CTNNA3: variants seen among roughly 807,000 people sequenced by gnomAD.
CTNNA3 encodes the protein catenin alpha 3.
In CTNNA3, 76 loss-of-function variants were observed where a neutral mutation model predicts 95.7. The ratio of observed to expected loss-of-function variants is 0.79; its 90% confidence interval spans 0.66 to 0.96. The LOEUF (loss-of-function observed/expected upper bound fraction) is 0.96. Among genes scored for constraint, CTNNA3 ranks in the 40% least tolerant of loss-of-function variants. CTNNA3 has a pLI of 0.00. For missense variants in CTNNA3, 1,191 were observed against 1,089.8 expected, an observed-to-expected ratio of 1.09 and a Z score of -1.31; for synonymous variants, 431 against 374.4, an observed-to-expected ratio of 1.15 and a Z score of -1.74.
intron 7 of CTNNA3, among the ~76,000 whole-genome samples, chr10:67,162,826 G>T (rs1861608329): frequency 6.6e-6 from 1 of 151,792 alleles, no homozygotes; most frequent in Admixed American, 6.6e-5. Flanking sequence ...TATCCTACAG[G>T]CATCAAAGCA....
At chr10:65,981,358 CA>C (rs1298181926) in intron 16 of CTNNA3, among the ~76,000 whole-genome samples, 1 of 151,886 alleles carries the variant, frequency 6.6e-6, no homozygotes, top group African/African-American at 2.4e-5. Flanking sequence ...GCGACAGAAA[CA>C]AATGGAAACA....
At chr10:67,039,142 T>C (rs1258140465) in intron 7 of CTNNA3, among the ~76,000 whole-genome samples, 1 of 152,084 alleles carries the variant, frequency 6.6e-6, no homozygotes, top group Non-Finnish European at 1.5e-5. Flanking sequence ...GAGATTACTA[T>C]GAAACCATAA....
chr10:66,106,337 TTGTGTGTG>T (rs201326026), intron 13 of CTNNA3, among the ~76,000 whole-genome samples: 33,141 of 145,384 alleles, frequency 0.23, 3,841 homozygotes, highest in Admixed American at 0.3. Context: ...GTGTGTGTGT[TTGTGTGTG>T]TGTGTGTGTG....
chr10:66,682,657 G>GCTAAAACTTATTT (rs55895851), intron 9 of CTNNA3, among the ~76,000 whole-genome samples: 4 of 148,572 alleles, frequency 2.7e-5, no homozygotes, highest in African/African-American at 7.4e-5. Flanking sequence ...TTTTATTTCT[G>GCTAAAACTTATTT]TTTTCTTTCT....
At chr10:66,051,142 T>TG (rs1355111728) in intron 15 of CTNNA3, among the ~76,000 whole-genome samples, 1 of 152,188 alleles carries the variant, frequency 6.6e-6, no homozygotes, top group East Asian at 1.9e-4. Flanking sequence ...CCCAAAGTGC[T>TG]GAGAATAGAG....
intron 14 of CTNNA3, among the ~76,000 whole-genome samples, chr10:66,091,246 G>A (rs1276559379): frequency 1.3e-5 from 2 of 151,880 alleles, no homozygotes; most frequent in African/African-American, 4.8e-5. Flanking sequence ...AATCACCTGA[G>A]TACTTTAGCC....
At chr10:67,583,729 C>G (rs1297916495) in intron 3 of CTNNA3, among the ~76,000 whole-genome samples, 1 of 152,296 alleles carries the variant, frequency 6.6e-6, no homozygotes, top group Non-Finnish European at 1.5e-5. Flanking sequence ...TTCACATAGT[C>G]CCCTATTTCT....
chr10:66,226,437 C>T (rs2089291008), intron 13 of CTNNA3, among the ~76,000 whole-genome samples: 1 of 152,148 alleles, frequency 6.6e-6, no homozygotes. Flanking sequence ...CAGTATCACA[C>T]TGCTTTGATT....
intron 10 of CTNNA3, among the ~76,000 whole-genome samples, chr10:66,568,113 T>C (rs927544219): frequency 6.6e-6 from 1 of 152,200 alleles, no homozygotes; most frequent in Non-Finnish European, 1.5e-5. Flanking sequence ...AGGTAGCTTC[T>C]AACAGAAGAA....
chr10:66,647,876 T>C (rs1845762369), intron 9 of CTNNA3, among the ~76,000 whole-genome samples: 1 of 152,044 alleles, frequency 6.6e-6, no homozygotes, highest in Non-Finnish European at 1.5e-5. Flanking sequence ...GCATATGCTA[T>C]CAAAAAAGAA....
intron 16 of CTNNA3, among the ~76,000 whole-genome samples, chr10:65,982,639 T>C (rs2078343329): frequency 6.6e-6 from 1 of 151,082 alleles, no homozygotes; most frequent in Non-Finnish European, 1.5e-5. Flanking sequence ...GAAAATGTTA[T>C]ATATACATAT....
At chr10:66,595,288 T>C (rs1025469623) in intron 10 of CTNNA3, among the ~76,000 whole-genome samples, 3 of 151,966 alleles carry the variant, frequency 2.0e-5, no homozygotes, top group African/African-American at 7.3e-5. Flanking sequence ...GTAGACTTTA[T>C]AGTTATTGCT....
At chr10:66,803,323 T>C (rs1258031580) in intron 7 of CTNNA3, among the ~76,000 whole-genome samples, 1 of 151,992 alleles carries the variant, frequency 6.6e-6, no homozygotes, top group African/African-American at 2.4e-5. Flanking sequence ...GAATTCTGTT[T>C]GCTTGGAATG....
At chr10:66,843,286 C>A (rs910448952) in intron 7 of CTNNA3, among the ~76,000 whole-genome samples, 1 of 152,022 alleles carries the variant, frequency 6.6e-6, no homozygotes, top group African/African-American at 2.4e-5. Flanking sequence ...AATCCCAGAC[C>A]CCTGTCACTC....
chr10:66,787,051 TC>T (rs1387913861), intron 7 of CTNNA3, among the ~76,000 whole-genome samples: 54 of 152,304 alleles, frequency 3.5e-4, no homozygotes, highest in African/African-American at 1.1e-3. Context: ...AGTACATCTT[TC>T]TAAGTTCCTT....
rs567645257 is a variant in CTNNA3, at chr10:65,952,074, A to AAAATGAAT, written c.2400+14530_2400+14537dup. 2.5e-3 allele frequency among the ~76,000 whole-genome samples: 383 copies of AAAATGAAT among 151,888 alleles called. 2 individuals carry two copies. Among genetic ancestry groups the AAAATGAAT allele is most frequent in the Middle Eastern group, 6.9e-3 (2 of 290 alleles). On this transcript the variant is annotated intron_variant, in intron 17 of 17. Coordinates refer to ENST00000433211, the MANE Select transcript of CTNNA3 (RefSeq NM_013266.4). ...ATCCCTCACCTATTTCATTGTTTATAAAATGAATATGAGATAGATAGCTAT... is the reference window on the plus strand; with the variant it reads ...ATCCCTCACCTATTTCATTGTTTATAAAATGAATAAATGAATATGAGATAGATAGCTAT...
At chr10:66,806,631 G>C (rs755339326) in intron 7 of CTNNA3, among the ~76,000 whole-genome samples, 1 of 151,778 alleles carries the variant, frequency 6.6e-6, no homozygotes, top group Admixed American at 6.6e-5. Flanking sequence ...GATTCCATAC[G>C]CAGATATACT....
chr10:66,706,182 T>C (rs1848110589), intron 9 of CTNNA3, among the ~76,000 whole-genome samples: 2 of 152,014 alleles, frequency 1.3e-5, no homozygotes, highest in Admixed American at 1.3e-4. Flanking sequence ...TGGAAATTCT[T>C]CAGTCTATCC....
intron 13 of CTNNA3, among the ~76,000 whole-genome samples, chr10:66,142,048 G>A (rs895641526): frequency 3.9e-5 from 6 of 152,166 alleles, no homozygotes; most frequent in East Asian, 1.9e-4. Flanking sequence ...TTCATGGATC[G>A]TGGCTTTGGT....
Sources: gnomAD v4.1 joint callset for allele counts (sites outside exome capture counted in the v4.1 genomes callset) on GRCh38, gnomAD v4.1.1 for gene constraint, MANE v1.5 for transcripts, NCBI Gene and HGNC (gene_info 2026-07-23, HGNC 2026-07-21) for gene names.